DYM: variants seen among roughly 807,000 people sequenced by gnomAD.
The protein encoded by DYM is dymeclin, also known as dyggve-Melchior-Clausen syndrome protein.
DYM carries 78 observed loss-of-function variants against 93.1 expected under a neutral mutation model. The observed-to-expected ratio is 0.84, with a 90% CI of 0.70 to 1.01. The LOEUF (loss-of-function observed/expected upper bound fraction) is 1.01, where lower values mean the gene tolerates loss of function less well. Among genes scored for constraint, DYM ranks in the 50% least tolerant of loss-of-function variants. The pLI is 0.00. For missense variants in DYM, 789 were observed against 845.0 expected (o/e 0.93, Z 0.82); for synonymous variants, 321 against 319.7 (o/e 1.00, Z -0.04).
intron 17 of DYM, among the ~76,000 whole-genome samples, chr18:49,070,050 CAAAT>C (rs1177472303): frequency 3.3e-5 from 5 of 152,082 alleles, no homozygotes; most frequent in Admixed American, 6.6e-5. Context: ...CAAAAACAGA[CAAAT>C]AAACAAACAA....
intron 4 of DYM, among the ~76,000 whole-genome samples, chr18:49,379,123 G>C (rs1000978571): frequency 6.6e-6 from 1 of 152,096 alleles, no homozygotes; most frequent in Non-Finnish European, 1.5e-5. Flanking sequence ...CTTTTTATTT[G>C]TATTAATGAC....
chr18:49,444,137 C>G (rs1424714997), intron 1 of DYM, among the ~76,000 whole-genome samples: 1 of 152,154 alleles, frequency 6.6e-6, no homozygotes, highest in Non-Finnish European at 1.5e-5. Flanking sequence ...GGCTATTAAT[C>G]ATATTCTCAA....
intron 6 of DYM, among the ~76,000 whole-genome samples, chr18:49,351,701 T>C (rs1482132827): frequency 6.6e-6 from 1 of 152,176 alleles, no homozygotes; most frequent in Non-Finnish European, 1.5e-5. Context: ...TAGGGAATAC[T>C]GATTATCAGA....
chr18:49,441,260 A>T (rs1465452451), intron 1 of DYM, among the ~76,000 whole-genome samples: 2 of 39,094 alleles, frequency 5.1e-5, no homozygotes, highest in East Asian at 2.1e-3. Flanking sequence ...TGTTATATAT[A>T]ATTATATAAT....
chr18:49,118,701 T>C (rs759406446), intron 16 of DYM, 43 bp downstream of exon 16: 5 of 1,558,496 alleles, frequency 3.2e-6, no homozygotes, highest in South Asian at 2.2e-5. Flanking sequence ...TCTGCTTTAA[T>C]ACTTAAAAAA....
At chr18:49,200,746 CA>C (rs2091922066) in intron 14 of DYM, among the ~76,000 whole-genome samples, 1 of 151,832 alleles carries the variant, frequency 6.6e-6, no homozygotes, top group Non-Finnish European at 1.5e-5. Context: ...TTTTAATTGA[CA>C]AAAATTATAT....
chr18:49,308,607 T>A (rs2061406876), intron 8 of DYM, among the ~76,000 whole-genome samples: 1 of 152,124 alleles, frequency 6.6e-6, no homozygotes, highest in Non-Finnish European at 1.5e-5. Flanking sequence ...TTTCCACCCC[T>A]CCCATCTATG....
chr18:49,445,525 A>T (rs970626855), intron 1 of DYM, among the ~76,000 whole-genome samples: 6 of 152,216 alleles, frequency 3.9e-5, no homozygotes, highest in African/African-American at 1.2e-4. Flanking sequence ...GAACAAGAGG[A>T]CAAATAAGTG....
At chr18:49,277,312 G>C (rs1568155517) in intron 10 of DYM, among the ~76,000 whole-genome samples, 1 of 151,978 alleles carries the variant, frequency 6.6e-6, no homozygotes, top group African/African-American at 2.4e-5. Context: ...GAGAAGTACA[G>C]GGAAAAAACA....
At chr18:49,138,608 T>A (rs1427509693) in intron 15 of DYM, among the ~76,000 whole-genome samples, 1 of 152,160 alleles carries the variant, frequency 6.6e-6, no homozygotes, top group African/African-American at 2.4e-5. Flanking sequence ...ATTTAATCAG[T>A]TCTCCCAATA....
At chr18:49,357,807 T>C (rs761178969) in intron 6 of DYM, among the ~76,000 whole-genome samples, 2 of 151,946 alleles carry the variant, frequency 1.3e-5, no homozygotes, top group Non-Finnish European at 2.9e-5. Context: ...ATTGGGAAAA[T>C]ATGAGCAAGA....
intron 13 of DYM, among the ~76,000 whole-genome samples, chr18:49,221,421 A>T (rs1792226775): frequency 1.3e-5 from 2 of 152,090 alleles, no homozygotes; most frequent in African/African-American, 4.8e-5. Flanking sequence ...TACCCAAAGG[A>T]TTATAAATCA....
chr18:49,451,261 G>T (rs767426878), intron 1 of DYM, among the ~76,000 whole-genome samples: 30 of 152,180 alleles, frequency 2.0e-4, no homozygotes, highest in Non-Finnish European at 4.0e-4. Flanking sequence ...CAATATAGTT[G>T]TTTGCATCAG....
At chr18:49,264,137 C>T (rs1219835122) in intron 11 of DYM, among the ~76,000 whole-genome samples, 3 of 149,116 alleles carry the variant, frequency 2.0e-5, no homozygotes, top group African/African-American at 7.4e-5. Context: ...TATCAATACA[C>T]GTAGCTCTAC....
chr18:49,157,810 G>A lies in DYM; in HGVS notation c.1728+5875C>T, dbSNP rs528730953. On this transcript the variant is annotated intron_variant, in intron 15 of 17. Coordinates refer to ENST00000675505, the MANE Select transcript of DYM (RefSeq NM_001353214.3). ...TTTTTCTTTTGTCACTTGAGTTTTT[G>A]GCATCACCTAAGAAGTCTTTGCCTA... 2.6e-5 allele frequency among the ~76,000 whole-genome samples: 4 copies of A among 152,110 alleles called. No homozygotes were observed. The South Asian group carries it at 8.3e-4, about 32-fold the overall frequency.
chr18:49,317,799 A>T (rs573499801), intron 8 of DYM, among the ~76,000 whole-genome samples: 18 of 151,612 alleles, frequency 1.2e-4, no homozygotes, highest in East Asian at 1.9e-4. Context: ...AAGACTGCTC[A>T]TATCATTCTA....
At chr18:49,147,950 C>G (rs1254478017) in intron 15 of DYM, among the ~76,000 whole-genome samples, 1 of 152,170 alleles carries the variant, frequency 6.6e-6, no homozygotes, top group Non-Finnish European at 1.5e-5. Flanking sequence ...AGCCAAATGT[C>G]CAACAATGAT....
chr18:49,106,140 T>TTGAA (rs1162222643), intron 16 of DYM, among the ~76,000 whole-genome samples: 2 of 152,244 alleles, frequency 1.3e-5, no homozygotes, highest in Non-Finnish European at 2.9e-5. Flanking sequence ...TCTTGTTGAA[T>TTGAA]TGAACCCTTT....
intron 17 of DYM, among the ~76,000 whole-genome samples, chr18:49,061,712 C>T (rs972933956): frequency 6.6e-5 from 10 of 152,202 alleles, no homozygotes; most frequent in African/African-American, 2.4e-4. Context: ...CTGGCAGTGC[C>T]ACCAGGGTGA....
Sources: gnomAD v4.1 joint callset for allele counts (sites outside exome capture counted in the v4.1 genomes callset) on GRCh38, gnomAD v4.1.1 for gene constraint, MANE v1.5 for transcripts, NCBI Gene and HGNC (gene_info 2026-07-23, HGNC 2026-07-21) for gene names.